The following CAMTA1 variants were observed in gnomAD, a reference collection of about 807,000 sequenced individuals.
The protein encoded by CAMTA1 is calmodulin-binding transcription activator 1.
Under a neutral mutation model 170.9 loss-of-function variants are expected in CAMTA1, and 27 were observed. That is an observed-to-expected ratio of 0.16 (90% CI 0.12 to 0.22). The LOEUF (loss-of-function observed/expected upper bound fraction) is 0.22, where lower values mean the gene tolerates loss of function less well. CAMTA1 is among the 10% of genes least tolerant of loss of function. CAMTA1 has a pLI of 1.00. For synonymous variants in CAMTA1, 833 were observed against 891.5 expected (o/e 0.93, Z 1.17); for missense variants, 1,619 against 2,217.2 (o/e 0.73, Z 5.42).
intron 5 of CAMTA1, among the ~76,000 whole-genome samples, chr1:7,289,251 TCCAAA>T (rs1447628299): frequency 6.6e-6 from 1 of 151,956 alleles, no homozygotes; most frequent in Non-Finnish European, 1.5e-5. Context: ...GGGACACAGA[TCCAAA>T]CCATATCAGT....
At chr1:7,082,959 G>T (rs1378935790) in intron 3 of CAMTA1, among the ~76,000 whole-genome samples, 2 of 152,198 alleles carry the variant, frequency 1.3e-5, no homozygotes, top group East Asian at 1.9e-4. Context: ...ATGTGTCTTT[G>T]TATTGTTAGG....
rs1372389876 is a variant in CAMTA1, at chr1:7,681,717, C to T, written c.2914+3984C>T. On this transcript the variant is annotated intron_variant, in intron 11 of 22. Coordinates refer to ENST00000303635, the MANE Select transcript of CAMTA1 (RefSeq NM_015215.4). The surrounding 1 kb of genome is among the most constrained non-coding windows in gnomAD (Gnocchi z 4.6). ...GTCCTATGGATACAACAGCCAGGGCCGTGCTGAACTTCAAGAGGATGCTGT... is the reference window on the plus strand; with the variant it reads ...GTCCTATGGATACAACAGCCAGGGCTGTGCTGAACTTCAAGAGGATGCTGT... 2.0e-5 allele frequency among the ~76,000 whole-genome samples: 3 copies of T among 152,180 alleles called. No homozygotes were observed. The highest frequency in any genetic ancestry group is 4.4e-5 in the Non-Finnish European group (3 of 68,036).
intron 3 of CAMTA1, among the ~76,000 whole-genome samples, chr1:6,840,673 C>T (rs143776212): frequency 2.6e-5 from 4 of 152,206 alleles, no homozygotes; most frequent in African/African-American, 9.6e-5. Flanking sequence ...GGAGAGCCGT[C>T]AATGCGCAGG....
At chr1:7,498,964 AT>A in intron 6 of CAMTA1, among the ~76,000 whole-genome samples, 1 of 115,650 alleles carries the variant, frequency 8.6e-6, no homozygotes, top group South Asian at 3.0e-4. Flanking sequence ...TGTAGAGAGG[AT>A]TGTGTGAGTC....
chr1:7,732,746 G>A lies in CAMTA1; in HGVS notation c.3066+147G>A. On this transcript the variant is annotated intron_variant, in intron 12 of 22. Coordinates refer to ENST00000303635, the MANE Select transcript of CAMTA1 (RefSeq NM_015215.4). This position sits in a 1 kb window ranked among gnomAD's most constrained non-coding sequence, Gnocchi z 4.1. ...CCTGAGGGAGTACTTTACGGTACCTGTGCTTTTAAGCATTATAATCTGTGC... is the reference window on the plus strand; with the variant it reads ...CCTGAGGGAGTACTTTACGGTACCTATGCTTTTAAGCATTATAATCTGTGC... 8.4e-7 allele frequency: 1 copy of A among 1,185,364 alleles called. No homozygotes were observed. Among genetic ancestry groups the A allele is most frequent in the Non-Finnish European group, 1.2e-6 (1 of 863,092 alleles). 73.4% of individuals were successfully genotyped at this position (1,185,364 alleles called of 1,614,324 possible).
chr1:7,671,090 A>G, intron 10 of CAMTA1, 53 bp downstream of exon 10: 1 of 1,598,512 alleles, frequency 6.3e-7, no homozygotes, highest in Non-Finnish European at 8.5e-7. Flanking sequence ...CCTGAGGAGC[A>G]CTGGACTCGG....
At chr1:7,061,722 G>T (rs975082723) in intron 3 of CAMTA1, among the ~76,000 whole-genome samples, 5 of 147,488 alleles carry the variant, frequency 3.4e-5, no homozygotes, top group African/African-American at 1.3e-4. Context: ...AGGGGGTGGG[G>T]TGGCGGGGAG....
intron 3 of CAMTA1, among the ~76,000 whole-genome samples, chr1:7,062,720 G>T (rs1489253274): frequency 6.6e-6 from 1 of 152,210 alleles, no homozygotes; most frequent in African/African-American, 2.4e-5. Context: ...CAACAGAAAT[G>T]CACCCTCTCA....
rs1243816647 is a variant in CAMTA1, at chr1:6,899,214, A to G, written c.234+74004A>G. Among the ~76,000 whole-genome samples, 6 of 152,152 alleles carry G rather than the reference A, an allele frequency of 3.9e-5. No individual in the cohort carries two copies. The East Asian group carries it at 1.2e-3, about 29-fold the overall frequency. ...AGAGGGATTCCAGCCAGTGTGTGCT[A>G]GGTTATAGTGTTTTCCTGATGGATG... On this transcript the variant is annotated intron_variant, in intron 3 of 22. Coordinates refer to ENST00000303635, the MANE Select transcript of CAMTA1 (RefSeq NM_015215.4).
At chr1:7,743,422 A>G (rs1319494971) in intron 16 of CAMTA1, among the ~76,000 whole-genome samples, 1 of 152,138 alleles carries the variant, frequency 6.6e-6, no homozygotes, top group East Asian at 1.9e-4. Context: ...AACCATCACC[A>G]TAGTCCCTTT....
chr1:7,707,288 A>G (rs976468142), intron 11 of CAMTA1, among the ~76,000 whole-genome samples: 9 of 152,252 alleles, frequency 5.9e-5, no homozygotes, highest in Non-Finnish European at 1.0e-4. Flanking sequence ...CCAGTACGTG[A>G]ATAACAAGTG....
chr1:7,239,556 A>G (rs1404355328), intron 4 of CAMTA1, among the ~76,000 whole-genome samples: 1 of 150,616 alleles, frequency 6.6e-6, no homozygotes, highest in Non-Finnish European at 1.5e-5. Context: ...GGCATCATTT[A>G]CGATACCATG....
intron 6 of CAMTA1, among the ~76,000 whole-genome samples, chr1:7,538,876 C>T (rs2094577975): frequency 6.6e-6 from 1 of 152,196 alleles, no homozygotes; most frequent in Non-Finnish European, 1.5e-5. Flanking sequence ...ACTGGAGGAG[C>T]ATGGAGTTTC....
At chr1:7,362,022 A>T (rs115875919) in intron 5 of CAMTA1, among the ~76,000 whole-genome samples, 183 of 152,380 alleles carry the variant, frequency 1.2e-3, no homozygotes, top group African/African-American at 4.2e-3. Flanking sequence ...TTAGAAAACC[A>T]ACCCTGAAAA....
At chr1:7,369,613 G>A (rs926992010) in intron 5 of CAMTA1, among the ~76,000 whole-genome samples, 21 of 152,008 alleles carry the variant, frequency 1.4e-4, no homozygotes, top group African/African-American at 4.8e-4. Flanking sequence ...GACCACTAGC[G>A]TCTCCCCACA....
Position 6,962,990 on chromosome 1 carries a change from C to G in CAMTA1, c.235-128314C>G, listed in dbSNP as rs573926609. On this transcript the variant is annotated intron_variant, in intron 3 of 22. Coordinates refer to ENST00000303635, the MANE Select transcript of CAMTA1 (RefSeq NM_015215.4). ...GCCCCTTTCACCCGTCTGGCCCTGC[C>G]CATTCCCACCTTCCACCCTGGCCCC... Among the ~76,000 whole-genome samples, 58 of 151,674 alleles carry G rather than the reference C, an allele frequency of 3.8e-4. 2 individuals carry two copies. The South Asian group carries it at 0.01, about 27-fold the overall frequency.
At chr1:7,172,210 C>T (rs1399171327) in intron 4 of CAMTA1, among the ~76,000 whole-genome samples, 4 of 151,886 alleles carry the variant, frequency 2.6e-5, no homozygotes, top group East Asian at 3.9e-4. Flanking sequence ...AGTGCAGTGG[C>T]GCTATCTTGC....
intron 11 of CAMTA1, among the ~76,000 whole-genome samples, chr1:7,697,891 A>G (rs1286542876): frequency 6.6e-6 from 1 of 152,222 alleles, no homozygotes; most frequent in Admixed American, 6.5e-5. Context: ...TGGCCGTATA[A>G]CAAGCCAACC....
At chr1:7,639,529 T>C (rs2095744008) in intron 6 of CAMTA1, among the ~76,000 whole-genome samples, 1 of 152,034 alleles carries the variant, frequency 6.6e-6, no homozygotes, top group Admixed American at 6.5e-5. Flanking sequence ...TCGCAGCAGT[T>C]TGGGAGGCTG....
Sources: gnomAD v4.1 joint callset for allele counts (sites outside exome capture counted in the v4.1 genomes callset) on GRCh38, gnomAD v4.1.1 for gene constraint, Gnocchi (gnomAD v3.1) non-coding constraint, MANE v1.5 for transcripts, NCBI Gene and HGNC (gene_info 2026-07-23, HGNC 2026-07-21) for gene names.